The following MAPK10 variants were observed in gnomAD, a reference collection of about 807,000 sequenced individuals.
MAPK10 encodes JNK3 alpha protein kinase.
Under a neutral mutation model 59.3 loss-of-function variants are expected in MAPK10, and 25 were observed. That is an observed-to-expected ratio of 0.42 (90% CI 0.31 to 0.59). The LOEUF (loss-of-function observed/expected upper bound fraction) is 0.59. Among genes scored for constraint, MAPK10 ranks in the 20% least tolerant of loss-of-function variants. The pLI is 0.15. For synonymous variants in MAPK10, 190 were observed against 200.5 expected, an observed-to-expected ratio of 0.95 and a Z score of 0.44; for missense variants, 351 against 568.9, an observed-to-expected ratio of 0.62 and a Z score of 3.90.
intron 2 of MAPK10, among the ~76,000 whole-genome samples, chr4:86,348,314 G>C (rs1365964746): frequency 6.6e-6 from 1 of 152,136 alleles, no homozygotes; most frequent in Non-Finnish European, 1.5e-5. Flanking sequence ...TCTGTGCCTT[G>C]TCTTCACCTT....
At chr4:86,399,198 C>G (rs1743363971) in intron 1 of MAPK10, among the ~76,000 whole-genome samples, 1 of 152,190 alleles carries the variant, frequency 6.6e-6, no homozygotes, top group Admixed American at 6.5e-5. Context: ...TCCACAGTGG[C>G]TGAACTAATT....
intron 4 of MAPK10, among the ~76,000 whole-genome samples, chr4:86,131,322 T>C (rs1331305622): frequency 6.6e-6 from 1 of 152,102 alleles, no homozygotes; most frequent in African/African-American, 2.4e-5. Flanking sequence ...AGTTTAAGTG[T>C]TTAAGAGGAG....
intron 4 of MAPK10, chr4:86,159,031 CTT>C: frequency 3.5e-6 from 1 of 283,434 alleles, no homozygotes; most frequent in Non-Finnish European, 6.5e-6. Flanking sequence ...CTCTGGTTCT[CTT>C]TATTTCTTTA....
chr4:86,068,830 A>C (rs1026773528), intron 9 of MAPK10, among the ~76,000 whole-genome samples: 2 of 152,160 alleles, frequency 1.3e-5, no homozygotes, highest in Non-Finnish European at 2.9e-5. Context: ...AATATTCGAT[A>C]TATCAGAGCC....
At chr4:86,543,345 T>G (rs1307700898) in intron 1 of MAPK10, among the ~76,000 whole-genome samples, 1 of 152,194 alleles carries the variant, frequency 6.6e-6, no homozygotes, top group East Asian at 1.9e-4. Flanking sequence ...TCTTGCAGCT[T>G]CCTCTGGGAA....
intron 1 of MAPK10, among the ~76,000 whole-genome samples, chr4:86,545,497 C>T (rs920519583): frequency 2.6e-5 from 4 of 152,120 alleles, no homozygotes; most frequent in African/African-American, 9.7e-5. Flanking sequence ...AGAAGAATTA[C>T]TAAAATAGCT....
intron 3 of MAPK10, among the ~76,000 whole-genome samples, chr4:86,189,586 G>T (rs2079147820): frequency 6.6e-6 from 1 of 152,126 alleles, no homozygotes; most frequent in South Asian, 2.1e-4. Flanking sequence ...TGTGATATTT[G>T]CAAATTGACT....
intron 2 of MAPK10, among the ~76,000 whole-genome samples, chr4:86,256,798 T>C (rs536693133): frequency 6.9e-5 from 10 of 144,750 alleles, no homozygotes; most frequent in Non-Finnish European, 1.3e-4. Flanking sequence ...TGGAGTACAG[T>C]GGCGCGATCT....
chr4:86,548,118 A>G (rs993824847), intron 1 of MAPK10, among the ~76,000 whole-genome samples: 2 of 152,042 alleles, frequency 1.3e-5, no homozygotes, highest in Admixed American at 6.6e-5. Context: ...TTGGGTCCAC[A>G]CTGCTTTTAT....
chr4:86,592,408 T>C (rs760357503), intron 1 of MAPK10, among the ~76,000 whole-genome samples: 1 of 152,140 alleles, frequency 6.6e-6, no homozygotes, highest in African/African-American at 2.4e-5. Context: ...AACAACACTG[T>C]GGTTTGTCTA....
intron 1 of MAPK10, among the ~76,000 whole-genome samples, chr4:86,555,309 G>A (rs986671465): frequency 3.9e-5 from 6 of 152,120 alleles, no homozygotes; most frequent in Admixed American, 6.6e-5. Flanking sequence ...AGCCGGGCGC[G>A]GTGGCCGGTG....
intron 11 of MAPK10, among the ~76,000 whole-genome samples, chr4:86,049,250 A>G (rs2043073215): frequency 2.0e-5 from 3 of 152,096 alleles, no homozygotes; most frequent in African/African-American, 7.2e-5. Context: ...TGAGTTGATG[A>G]CTGTCTCTCA....
intron 2 of MAPK10, among the ~76,000 whole-genome samples, chr4:86,278,077 A>G (rs1209238922): frequency 6.6e-6 from 1 of 152,136 alleles, no homozygotes; most frequent in Admixed American, 6.6e-5. Context: ...AGGGTTTTCT[A>G]TAACAATACT....
intron 9 of MAPK10, among the ~76,000 whole-genome samples, chr4:86,085,837 C>T (rs183298323): frequency 3.3e-5 from 5 of 152,266 alleles, no homozygotes; most frequent in South Asian, 2.1e-4. Flanking sequence ...GATTTGGAAG[C>T]AACCTAAGCA....
chr4:86,283,861 A>T (rs2094908806), intron 2 of MAPK10, among the ~76,000 whole-genome samples: 1 of 152,162 alleles, frequency 6.6e-6, no homozygotes, highest in South Asian at 2.1e-4. Context: ...CTACACTGTG[A>T]TCTGTAGAAC....
intron 2 of MAPK10, among the ~76,000 whole-genome samples, chr4:86,295,765 A>ATT (rs1554184084): frequency 6.9e-6 from 1 of 144,444 alleles, no homozygotes; most frequent in Non-Finnish European, 1.5e-5. Context: ...ATATATATAT[A>ATT]TTTTATATAT....
At chr4:86,550,411 A>AC (rs1554280730) in intron 1 of MAPK10, among the ~76,000 whole-genome samples, 10 of 136,180 alleles carry the variant, frequency 7.3e-5, no homozygotes, top group African/African-American at 2.6e-4. Context: ...AAAAAAAAAA[A>AC]CTCCAGGCCA....
At chr4:86,216,746 A>T (rs10003756) in intron 2 of MAPK10, among the ~76,000 whole-genome samples, 21,920 of 152,050 alleles carry the variant, frequency 0.14, 1,600 homozygotes, top group African/African-American at 0.17. Flanking sequence ...CATGTTCATA[A>T]TATATTGTAA....
At chr4:86,218,524 A>G (rs1456376153) in intron 2 of MAPK10, among the ~76,000 whole-genome samples, 1 of 149,074 alleles carries the variant, frequency 6.7e-6, no homozygotes, top group Non-Finnish European at 1.5e-5. Context: ...GCCTTTCAAA[A>G]TATGTTTATC....
Sources: gnomAD v4.1 joint callset for allele counts (sites outside exome capture counted in the v4.1 genomes callset) on GRCh38, gnomAD v4.1.1 for gene constraint, MANE v1.5 for transcripts, NCBI Gene and HGNC (gene_info 2026-07-23, HGNC 2026-07-21) for gene names.